GABRA2: variants seen among roughly 807,000 people sequenced by gnomAD.
GABRA2 encodes the protein gamma-aminobutyric acid receptor subunit alpha-2.
In GABRA2, 16 loss-of-function variants were observed where a neutral mutation model predicts 48.7. The ratio of observed to expected loss-of-function variants is 0.33; its 90% CI spans 0.22 to 0.50. GABRA2 has a LOEUF of 0.50. Ranked by LOEUF, GABRA2 falls within the 20% of genes least tolerant of loss-of-function variation. The probability of loss-of-function intolerance (pLI) is 0.98; values close to 1 mark genes in which losing one functional copy is unlikely to be tolerated. For missense variants in GABRA2, 275 were observed against 535.6 expected (o/e 0.51, Z 4.80); for synonymous variants, 185 against 184.5 (o/e 1.00, Z -0.02).
At position 46,346,486 on chromosome 4, in the gene GABRA2, T is replaced by C. The variant is rs577678432; in HGVS notation, c.188-13804A>G. Among the ~76,000 whole-genome samples, 5 of 151,686 alleles carry C rather than the reference T, an allele frequency of 3.3e-5. No homozygotes were observed. The South Asian group carries it at 1.0e-3, about 31-fold the overall frequency. On this transcript the variant is annotated intron_variant, in intron 3 of 9. Coordinates refer to ENST00000381620, the MANE Select transcript of GABRA2 (RefSeq NM_000807.4). Reference sequence around the variant, plus strand: ...AAGTTTTGTCTTTGATATATTGTAATGATTTGGAAAAGTGAAATATAAACA... The same window carrying C: ...AAGTTTTGTCTTTGATATATTGTAACGATTTGGAAAAGTGAAATATAAACA...
At chr4:46,305,100 G>A (rs2109638822) in intron 7 of GABRA2, among the ~76,000 whole-genome samples, 1 of 151,436 alleles carries the variant, frequency 6.6e-6, no homozygotes, top group East Asian at 2.0e-4. Context: ...ATAAGGAGTG[G>A]GGCCTAAGAT....
chr4:46,316,647 C>G (rs1049611495), intron 4 of GABRA2, among the ~76,000 whole-genome samples: 3 of 151,910 alleles, frequency 2.0e-5, no homozygotes, highest in Admixed American at 6.6e-5. Context: ...TTGGTAGAGA[C>G]AGTATATTTC....
rs956921620 is a variant in GABRA2 at position 46,247,655 on chromosome 4, T to A, written c.*2653A>T. 1.3e-4 allele frequency among the ~76,000 whole-genome samples: 20 copies of A among 151,180 alleles called. No homozygotes were observed. Among genetic ancestry groups the A allele is most frequent in the African/African-American group, 4.8e-4 (20 of 41,322 alleles). On this transcript the variant is annotated 3_prime_UTR_variant, in exon 10 of 10. Transcript: ENST00000381620. ...TAATCTTATGGGCCAAAGAGATCAG[T>A]GTTAGTATATATAAAATGTATTTTC...
chr4:46,376,220 G>C (rs2109330434), intron 3 of GABRA2, among the ~76,000 whole-genome samples: 1 of 152,286 alleles, frequency 6.6e-6, no homozygotes, highest in Middle Eastern at 3.4e-3. Context: ...ACATTGAAAA[G>C]TAATGAATAG....
rs187198360 is a variant in GABRA2 at position 46,252,607 on chromosome 4, A to G, written c.1060-2003T>C. The stretch of plus-strand genomic sequence containing the variant: ...AACCTCTGCTTTTAAACACCATGCC[A>G]TATGATTTTTGGTCTGAGGAAGCTG... On this transcript the variant is annotated intron_variant, in intron 9 of 9. Transcript: ENST00000381620. 2.3e-3 allele frequency among the ~76,000 whole-genome samples: 355 copies of G among 151,634 alleles called. 5 individuals carry two copies. Among genetic ancestry groups the G allele is most frequent in the African/African-American group, 7.7e-3 (321 of 41,482 alleles).
intron 3 of GABRA2, among the ~76,000 whole-genome samples, chr4:46,373,833 A>G (rs1462735831): frequency 6.6e-6 from 1 of 152,172 alleles, no homozygotes; most frequent in African/African-American, 2.4e-5. Context: ...AAGCACAATC[A>G]TTGGTTTCCC....
At chr4:46,309,035 C>G (rs1356212774) in intron 6 of GABRA2, among the ~76,000 whole-genome samples, 1 of 152,082 alleles carries the variant, frequency 6.6e-6, no homozygotes, top group Admixed American at 6.6e-5. Flanking sequence ...CATTGTATAA[C>G]ATGATTGACT....
At chr4:46,346,462 A>C (rs2109880670) in intron 3 of GABRA2, among the ~76,000 whole-genome samples, 1 of 151,742 alleles carries the variant, frequency 6.6e-6, no homozygotes, top group East Asian at 1.9e-4. Flanking sequence ...TATAGTTCTA[A>C]GTTTTGTCTT....
At chr4:46,313,315 T>C (rs1476249347) in intron 4 of GABRA2, among the ~76,000 whole-genome samples, 1 of 151,950 alleles carries the variant, frequency 6.6e-6, no homozygotes, top group African/African-American at 2.4e-5. Context: ...TCATATTTAT[T>C]TTTTAATCCT....
chr4:46,262,954 GAA>G (rs1050081192), intron 8 of GABRA2, among the ~76,000 whole-genome samples: 707 of 24,592 alleles, frequency 0.029, 5 homozygotes, highest in Middle Eastern at 0.12. Context: ...AAGAAAGAAA[GAA>G]AGAGAGAGAG....
At chr4:46,364,801 C>T (rs1001812266) in intron 3 of GABRA2, 2 of 152,152 alleles carry the variant, frequency 1.3e-5, no homozygotes, top group Non-Finnish European at 2.9e-5. Flanking sequence ...CGGATAATGT[C>T]CCTTTCTTAA....
intron 8 of GABRA2, among the ~76,000 whole-genome samples, chr4:46,286,323 T>C (rs1163343710): frequency 1.3e-5 from 2 of 152,124 alleles, no homozygotes; most frequent in African/African-American, 4.8e-5. Flanking sequence ...ATTGTAAGTA[T>C]ATACTATATT....
chr4:46,273,837 A>C (rs1042519737), intron 8 of GABRA2, among the ~76,000 whole-genome samples: 1 of 152,016 alleles, frequency 6.6e-6, no homozygotes, highest in African/African-American at 2.4e-5. Context: ...GCCTTCCAGC[A>C]AACGGAAAGT....
At chr4:46,371,565 AT>A (rs1288746534) in intron 3 of GABRA2, among the ~76,000 whole-genome samples, 16 of 151,436 alleles carry the variant, frequency 1.1e-4, no homozygotes, top group African/African-American at 3.9e-4. Flanking sequence ...ATTAGTTTTA[AT>A]TTTTTCTACA....
At chr4:46,293,641 G>T (rs926413064) in intron 8 of GABRA2, among the ~76,000 whole-genome samples, 1 of 152,178 alleles carries the variant, frequency 6.6e-6, no homozygotes, top group Admixed American at 6.5e-5. Flanking sequence ...TTTGCAGCTG[G>T]CAGAACCCGC....
chr4:46,366,102 C>T (rs992163965), intron 3 of GABRA2: 42 of 152,176 alleles, frequency 2.8e-4, no homozygotes, highest in African/African-American at 9.4e-4. Context: ...ATCTCCTTCT[C>T]ATTAGCTATT....
chr4:46,273,084 C>T (rs1017401960), intron 8 of GABRA2, among the ~76,000 whole-genome samples: 1 of 149,196 alleles, frequency 6.7e-6, no homozygotes, highest in East Asian at 2.0e-4. Flanking sequence ...AGTGTAGTGG[C>T]ATGATCAGTA....
At chr4:46,296,972 C>T (rs773637505) in intron 8 of GABRA2, among the ~76,000 whole-genome samples, 6 of 151,986 alleles carry the variant, frequency 3.9e-5, no homozygotes, top group Admixed American at 6.6e-5. Flanking sequence ...TCCGGTTGTA[C>T]GAAAGATAGT....
intron 8 of GABRA2, among the ~76,000 whole-genome samples, chr4:46,273,976 C>G (rs545034284): frequency 1.1e-3 from 169 of 152,118 alleles, no homozygotes; most frequent in South Asian, 6.8e-3. Context: ...TCTTTGAGAG[C>G]TTTACTCATA....
Sources: allele counts gnomAD v4.1 joint callset (sites outside exome capture counted in the v4.1 genomes callset), GRCh38; gene constraint gnomAD v4.1.1; transcripts MANE v1.5; gene names NCBI Gene and HGNC (gene_info 2026-07-23, HGNC 2026-07-21).